PTK2: variants seen among roughly 807,000 people sequenced by gnomAD.
PTK2 encodes the protein focal adhesion kinase 1.
Under a neutral mutation model 150.1 loss-of-function variants are expected in PTK2, and 45 were observed. The observed-to-expected ratio is 0.30, with a 90% CI of 0.24 to 0.38. The LOEUF is 0.38. Among genes scored for constraint, PTK2 ranks in the 10% least tolerant of loss-of-function variants. The probability of loss-of-function intolerance (pLI) is 1.00; values close to 1 mark genes in which losing one functional copy is unlikely to be tolerated. For synonymous variants in PTK2, 432 were observed against 449.2 expected, an observed-to-expected ratio of 0.96 and a Z score of 0.48; for missense variants, 919 against 1,307.3, an observed-to-expected ratio of 0.70 and a Z score of 4.58.
At chr8:140,840,094 T>G (rs114372683) in intron 7 of PTK2, among the ~76,000 whole-genome samples, 134 of 152,358 alleles carry the variant, frequency 8.8e-4, no homozygotes, top group African/African-American at 3.1e-3. Flanking sequence ...GGTCTTCCTC[T>G]GTTGCCCAGG....
chr8:140,813,656 G>A (rs576429261), intron 10 of PTK2, among the ~76,000 whole-genome samples: 1 of 152,292 alleles, frequency 6.6e-6, no homozygotes, highest in South Asian at 2.1e-4. Context: ...AGTGTTAACA[G>A]GTAAATTTGT....
chr8:140,968,416 C>G (rs1296873441), intron 1 of PTK2, among the ~76,000 whole-genome samples: 1 of 152,044 alleles, frequency 6.6e-6, no homozygotes, highest in Non-Finnish European at 1.5e-5. Context: ...ATTTATATGA[C>G]TAGCCAAGCA....
chr8:140,750,687 A>G (rs991971898), intron 17 of PTK2, among the ~76,000 whole-genome samples: 9 of 152,236 alleles, frequency 5.9e-5, no homozygotes, highest in East Asian at 1.9e-4. Flanking sequence ...CTTGCTCTTT[A>G]AGAGCTTACA....
intron 4 of PTK2, among the ~76,000 whole-genome samples, chr8:140,871,088 CA>C (rs900785532): frequency 6.6e-6 from 1 of 152,076 alleles, no homozygotes; most frequent in African/African-American, 2.4e-5. Context: ...TTAAAAACAA[CA>C]AAGAAAAGCA....
intron 1 of PTK2, among the ~76,000 whole-genome samples, chr8:140,951,763 A>G (rs2100179620): frequency 6.6e-6 from 1 of 152,146 alleles, no homozygotes; most frequent in African/African-American, 2.4e-5. Context: ...ATGTGCCTAT[A>G]GTTCCAGCTA....
At chr8:140,870,991 T>A (rs1021547560) in intron 4 of PTK2, among the ~76,000 whole-genome samples, 5 of 152,130 alleles carry the variant, frequency 3.3e-5, no homozygotes, top group African/African-American at 9.7e-5. Flanking sequence ...TGGGCTCCTA[T>A]CATTTAGTGG....
intron 1 of PTK2, among the ~76,000 whole-genome samples, chr8:140,957,636 C>T (rs1352443919): frequency 6.6e-6 from 1 of 152,134 alleles, no homozygotes; most frequent in Non-Finnish European, 1.5e-5. Context: ...AGCTCCATTC[C>T]ATTCATGCAT....
chr8:140,667,450 TTCTCTC>T lies in PTK2; in HGVS notation c.2865+813_2865+818del, dbSNP rs56914419. On this transcript the variant is annotated intron_variant, in intron 30 of 31. Transcript: ENST00000522684. ...TCCTTGGACCTAGTGTCCTCTTTCT[TTCTCTC>T]TCTCTCTCTCTTTTTTTTTTTTTTT... Among the ~76,000 whole-genome samples the T allele has an allele frequency of 2.4e-4, 34 of 144,248 alleles. 1 individual carries two copies. Among genetic ancestry groups the T allele is most frequent in the South Asian group, 1.1e-3 (5 of 4,458 alleles). 94.6% of individuals were successfully genotyped at this position (144,248 alleles called of 152,430 possible).
At chr8:140,857,924 T>G (rs540107663) in intron 5 of PTK2, among the ~76,000 whole-genome samples, 55 of 152,270 alleles carry the variant, frequency 3.6e-4, no homozygotes, top group African/African-American at 1.3e-3. Flanking sequence ...AAAAAGTCAC[T>G]GTGAAAGCCA....
At chr8:140,834,305 C>T (rs186355808) in intron 7 of PTK2, among the ~76,000 whole-genome samples, 5 of 152,254 alleles carry the variant, frequency 3.3e-5, no homozygotes, top group Non-Finnish European at 1.5e-5. Flanking sequence ...AAGGTTCTTG[C>T]CTTGCTCAGA....
intron 22 of PTK2, among the ~76,000 whole-genome samples, chr8:140,727,287 AAAC>A (rs2100046434): frequency 6.6e-6 from 1 of 152,198 alleles, no homozygotes; most frequent in Non-Finnish European, 1.5e-5. Flanking sequence ...TTTTCAGTAG[AAAC>A]AATTTACGTT....
intron 1 of PTK2, among the ~76,000 whole-genome samples, chr8:140,981,630 AAAAC>A (rs1300301252): frequency 6.6e-6 from 1 of 152,262 alleles, no homozygotes; most frequent in Admixed American, 6.5e-5. Context: ...TAAAGAAACT[AAAAC>A]AATGTTTCAC....
At position 140,901,742 on chromosome 8, in the gene PTK2, T is replaced by C. The variant is rs113626843; in HGVS notation, c.-32-10973A>G. Among the ~76,000 whole-genome samples, 631 of 151,978 alleles carry C rather than the reference T, an allele frequency of 4.2e-3. 9 individuals carry two copies. Among genetic ancestry groups the C allele is most frequent in the African/African-American group, 0.014 (599 of 41,428 alleles). ...GTAGGTATACACATGCCATGGTGGT[T>C]TGCTGCACCCATCAACCCGTCATCT... On this transcript the variant is annotated intron_variant, in intron 2 of 31. Transcript: ENST00000522684.
Position 140,829,916 on chromosome 8 carries a change from G to A in PTK2, c.648+556C>T, listed in dbSNP as rs558363750. 2.0e-4 allele frequency among the ~76,000 whole-genome samples: 30 copies of A among 152,186 alleles called. No individual in the cohort carries two copies. The South Asian group carries it at 6.2e-3, about 32-fold the overall frequency. On this transcript the variant is annotated intron_variant, in intron 8 of 31. Transcript: ENST00000522684. ...TTGATGTGTGCTCTGGATTAGCTGG[G>A]GGAATCACACATTCAGAGTCCTCCC...
chr8:140,949,594 G>A (rs2100178824), intron 1 of PTK2, among the ~76,000 whole-genome samples: 1 of 152,328 alleles, frequency 6.6e-6, no homozygotes, highest in Admixed American at 6.5e-5. Context: ...CATGCTCGAG[G>A]CAGCGCTGAC....
At chr8:140,684,786 A>G (rs2100018892) in intron 27 of PTK2, among the ~76,000 whole-genome samples, 1 of 152,144 alleles carries the variant, frequency 6.6e-6, no homozygotes, top group Non-Finnish European at 1.5e-5. Flanking sequence ...CATACCGCCC[A>G]AAGTATGGTC....
intron 2 of PTK2, among the ~76,000 whole-genome samples, chr8:140,897,990 A>T (rs2100156961): frequency 6.6e-6 from 1 of 152,230 alleles, no homozygotes; most frequent in Non-Finnish European, 1.5e-5. Context: ...TCAATAAATT[A>T]TCAAGGCAGA....
intron 1 of PTK2, among the ~76,000 whole-genome samples, chr8:140,973,231 G>C (rs966349968): frequency 1.3e-5 from 2 of 152,222 alleles, no homozygotes; most frequent in African/African-American, 4.8e-5. Flanking sequence ...GATCCTGGGA[G>C]GTAATCTTTA....
intron 22 of PTK2, chr8:140,734,639 A>T (rs201968934): frequency 2.2e-6 from 1 of 457,080 alleles, no homozygotes; most frequent in Non-Finnish European, 4.4e-6. Flanking sequence ...ACAAAGTAGT[A>T]GCCACAAAAT....
Sources: allele counts gnomAD v4.1 joint callset (sites outside exome capture counted in the v4.1 genomes callset), GRCh38; gene constraint gnomAD v4.1.1; transcripts MANE v1.5; gene names NCBI Gene and HGNC (gene_info 2026-07-23, HGNC 2026-07-21).